PKNOX2: variants seen among roughly 807,000 people sequenced by gnomAD.
PKNOX2 encodes the protein PBX/knotted 1 homeobox 2, also known as homeobox protein PKNOX2.
Under a neutral mutation model 53.1 loss-of-function variants are expected in PKNOX2, and 14 were observed. The ratio of observed to expected loss-of-function variants is 0.26; its 90% confidence interval spans 0.17 to 0.41. PKNOX2 has a LOEUF of 0.41. Among genes scored for constraint, PKNOX2 ranks in the 10% least tolerant of loss-of-function variants. The pLI is 1.00. For synonymous variants in PKNOX2, 257 were observed against 242.8 expected, an observed-to-expected ratio of 1.06 and a Z score of -0.54; for missense variants, 496 against 602.8, an observed-to-expected ratio of 0.82 and a Z score of 1.85.
intron 10 of PKNOX2, among the ~76,000 whole-genome samples, chr11:125,419,471 A>G (rs1246859548): frequency 6.6e-6 from 1 of 151,528 alleles, no homozygotes; most frequent in East Asian, 1.9e-4. Flanking sequence ...AAAAAACAAG[A>G]AAATGGCTTA....
At chr11:125,241,178 G>T (rs1284219139) in intron 2 of PKNOX2, among the ~76,000 whole-genome samples, 3 of 152,150 alleles carry the variant, frequency 2.0e-5, no homozygotes, top group South Asian at 2.1e-4. Flanking sequence ...CCCTGCAGCT[G>T]CTCCCCATCC....
chr11:125,274,840 A>T (rs1181759398), intron 2 of PKNOX2, among the ~76,000 whole-genome samples: 1 of 152,218 alleles, frequency 6.6e-6, no homozygotes, highest in Non-Finnish European at 1.5e-5. Flanking sequence ...GATAACACCC[A>T]ACTCCAAGTT....
At chr11:125,381,905 C>T (rs531107812) in intron 5 of PKNOX2, among the ~76,000 whole-genome samples, 14 of 152,168 alleles carry the variant, frequency 9.2e-5, no homozygotes, top group Admixed American at 2.0e-4. Flanking sequence ...ATGTCACCTC[C>T]GCAGAGAGGC....
chr11:125,322,287 G>T (rs1949559006), intron 2 of PKNOX2, among the ~76,000 whole-genome samples: 1 of 152,114 alleles, frequency 6.6e-6, no homozygotes, highest in Admixed American at 6.5e-5. Context: ...GAGTTTAGAG[G>T]GTACTGGAGA....
chr11:125,400,951 C>G (rs1380029754), intron 7 of PKNOX2, among the ~76,000 whole-genome samples: 2 of 152,130 alleles, frequency 1.3e-5, no homozygotes, highest in Non-Finnish European at 2.9e-5. Context: ...TTGAAATAGA[C>G]TCATCCCTTC....
intron 11 of PKNOX2, among the ~76,000 whole-genome samples, chr11:125,429,505 G>A (rs1956590502): frequency 6.6e-6 from 1 of 152,178 alleles, no homozygotes; most frequent in South Asian, 2.1e-4. Context: ...GGGAGAGGGA[G>A]GAGGAGTAGC....
intron 2 of PKNOX2, among the ~76,000 whole-genome samples, chr11:125,239,447 T>G (rs1335042743): frequency 1.3e-5 from 2 of 152,158 alleles, no homozygotes; most frequent in Non-Finnish European, 2.9e-5. Flanking sequence ...GTAGGGTTTG[T>G]CCTCATTTTT....
In PKNOX2 at chr11:125,348,282, C is replaced by T. The variant is rs73027803; in HGVS notation, c.-22-3002C>T. Among the ~76,000 whole-genome samples the T allele has an allele frequency of 9.1e-3, 1,379 of 152,282 alleles. 9 individuals are homozygous for T. Among genetic ancestry groups the T allele is most frequent in the African/African-American group, 0.012 (493 of 41,554 alleles). On this transcript the variant is annotated intron_variant, in intron 3 of 12. Coordinates refer to ENST00000298282, the MANE Select transcript of PKNOX2 (RefSeq NM_001382323.2). ...AGGTGTGAGGAAAAGAGCCAGCTTC[C>T]GGACACGGGTGCAGGGTCTCCAGCA...
intron 2 of PKNOX2, among the ~76,000 whole-genome samples, chr11:125,284,353 C>A (rs1946765113): frequency 6.6e-6 from 1 of 152,176 alleles, no homozygotes; most frequent in Non-Finnish European, 1.5e-5. Context: ...TTTGCCAAGG[C>A]AGAGGTGACC....
intron 2 of PKNOX2, among the ~76,000 whole-genome samples, chr11:125,238,412 A>C (rs1942900462): frequency 6.6e-6 from 1 of 152,186 alleles, no homozygotes; most frequent in South Asian, 2.1e-4. Flanking sequence ...GAACCCTCAC[A>C]CTATGTTATG....
At chr11:125,208,964 G>A (rs1412426561) in intron 1 of PKNOX2, among the ~76,000 whole-genome samples, 1 of 152,000 alleles carries the variant, frequency 6.6e-6, no homozygotes, top group Non-Finnish European at 1.5e-5. Context: ...CAGTATCCGG[G>A]TTTCAGGGTC....
chr11:125,392,081 C>T (rs952091398), intron 6 of PKNOX2, among the ~76,000 whole-genome samples: 12 of 152,050 alleles, frequency 7.9e-5, no homozygotes, highest in East Asian at 1.9e-4. Flanking sequence ...ACTGGCTGGA[C>T]GTAGAATAGC....
At chr11:125,271,582 C>G (rs183155767) in intron 2 of PKNOX2, among the ~76,000 whole-genome samples, 2 of 152,352 alleles carry the variant, frequency 1.3e-5, no homozygotes, top group East Asian at 3.9e-4. Flanking sequence ...ACTCTGCTCA[C>G]TTGGTTTTCA....
At chr11:125,237,437 A>C (rs978925247) in intron 2 of PKNOX2, among the ~76,000 whole-genome samples, 1 of 152,198 alleles carries the variant, frequency 6.6e-6, no homozygotes, top group African/African-American at 2.4e-5. Context: ...AGGATGAAGA[A>C]TAGGAATGTA....
At chr11:125,356,016 T>G (rs1951586206) in intron 4 of PKNOX2, among the ~76,000 whole-genome samples, 1 of 137,094 alleles carries the variant, frequency 7.3e-6, no homozygotes, top group Non-Finnish European at 1.6e-5. Context: ...CAAAACACAC[T>G]CTCACTATCA....
At chr11:125,259,989 G>A (rs1944717708) in intron 2 of PKNOX2, among the ~76,000 whole-genome samples, 2 of 151,550 alleles carry the variant, frequency 1.3e-5, no homozygotes, top group South Asian at 4.2e-4. Context: ...CGATCCTCCT[G>A]CCTCACTCTC....
chr11:125,330,692 A>G (rs1277986041), intron 2 of PKNOX2, among the ~76,000 whole-genome samples: 1 of 152,008 alleles, frequency 6.6e-6, no homozygotes, highest in Non-Finnish European at 1.5e-5. Context: ...GCACACACAC[A>G]AACACACATA....
intron 2 of PKNOX2, among the ~76,000 whole-genome samples, chr11:125,263,633 G>T (rs953414922): frequency 2.6e-5 from 4 of 152,242 alleles, no homozygotes; most frequent in Non-Finnish European, 4.4e-5. Flanking sequence ...AGCGCGGGAG[G>T]GGGAGAGCTG....
intron 9 of PKNOX2, chr11:125,411,509 T>TCTCTCTCCCCC (rs1491258659): frequency 3.2e-6 from 1 of 315,068 alleles, no homozygotes; most frequent in Non-Finnish European, 6.0e-6. Flanking sequence ...TCTCTCTCTC[T>TCTCTCTCCCCC]CCCCCCCTTC....
Sources: allele counts gnomAD v4.1 joint callset (sites outside exome capture counted in the v4.1 genomes callset), GRCh38; gene constraint gnomAD v4.1.1; transcripts MANE v1.5; gene names NCBI Gene and HGNC (gene_info 2026-07-23, HGNC 2026-07-21).